Variants in PLCXD3 observed in about 807,000 individuals in gnomAD.
PLCXD3 encodes phosphatidylinositol specific phospholipase C X domain containing 3, also known as PI-PLC X domain-containing protein 3.
In PLCXD3, 19 loss-of-function variants were observed where a neutral mutation model predicts 25.5. The ratio of observed to expected loss-of-function variants is 0.75; its 90% confidence interval spans 0.52 to 1.09. The LOEUF (loss-of-function observed/expected upper bound fraction) is 1.09, where lower values mean the gene tolerates loss of function less well. Ranked by LOEUF, PLCXD3 falls within the 50% of genes least tolerant of loss-of-function variation. The pLI is 0.00. For synonymous variants in PLCXD3, 174 were observed against 137.6 expected (o/e 1.26, Z -1.85); for missense variants, 411 against 388.1 (o/e 1.06, Z -0.50).
At chr5:41,417,511 T>C (rs1008309368) in intron 1 of PLCXD3, among the ~76,000 whole-genome samples, 1 of 152,200 alleles carries the variant, frequency 6.6e-6, no homozygotes, top group African/African-American at 2.4e-5. Flanking sequence ...AGATAGACCC[T>C]GTTACTGAAG....
chr5:41,402,906 T>A lies in PLCXD3; in HGVS notation c.104-20372A>T, dbSNP rs902539066. Among the ~76,000 whole-genome samples the A allele has an allele frequency of 5.9e-5, 9 of 152,210 alleles. No homozygotes were observed. In the South Asian group the frequency reaches 1.7e-3, roughly 28 times the overall value. Reference sequence around the variant, plus strand: ...TATTTGTGTTTAGATATAAAATGAGTTTCTTGTAGAAAACAACTTGTTGGC... The same window carrying A: ...TATTTGTGTTTAGATATAAAATGAGATTCTTGTAGAAAACAACTTGTTGGC... On this transcript the variant is annotated intron_variant, in intron 1 of 2. Coordinates refer to ENST00000377801, the MANE Select transcript of PLCXD3 (RefSeq NM_001005473.3).
chr5:41,489,860 T>C (rs1008782017), intron 1 of PLCXD3, among the ~76,000 whole-genome samples: 1 of 151,712 alleles, frequency 6.6e-6, no homozygotes, highest in African/African-American at 2.4e-5. Context: ...TTTCTAGATA[T>C]ACAATCATGT....
At chr5:41,338,770 T>C (rs1744054245) in intron 2 of PLCXD3, among the ~76,000 whole-genome samples, 1 of 152,136 alleles carries the variant, frequency 6.6e-6, no homozygotes, top group Admixed American at 6.6e-5. Context: ...CTTCCCTTAT[T>C]CTTCTTAAAT....
At chr5:41,440,677 G>A (rs1328690779) in intron 1 of PLCXD3, among the ~76,000 whole-genome samples, 1 of 151,924 alleles carries the variant, frequency 6.6e-6, no homozygotes. Flanking sequence ...GTACTCTATG[G>A]GTGTTAGCTA....
intron 1 of PLCXD3, among the ~76,000 whole-genome samples, chr5:41,482,451 T>A (rs1258214500): frequency 6.6e-6 from 1 of 152,206 alleles, no homozygotes; most frequent in Non-Finnish European, 1.5e-5. Context: ...AAGCTTCCCA[T>A]ATATTATTCC....
At chr5:41,341,600 T>C (rs1363692412) in intron 2 of PLCXD3, among the ~76,000 whole-genome samples, 4 of 152,344 alleles carry the variant, frequency 2.6e-5, no homozygotes, top group Non-Finnish European at 2.9e-5. Context: ...TGGGTTACCA[T>C]TGGGTTTATA....
At chr5:41,474,967 A>G (rs1028734419) in intron 1 of PLCXD3, among the ~76,000 whole-genome samples, 1 of 152,184 alleles carries the variant, frequency 6.6e-6, no homozygotes, top group Admixed American at 6.5e-5. Flanking sequence ...CATTCTCAAA[A>G]GCTAGAGCCA....
intron 2 of PLCXD3, among the ~76,000 whole-genome samples, chr5:41,348,483 G>A (rs1344858896): frequency 6.6e-6 from 1 of 152,118 alleles, no homozygotes; most frequent in Non-Finnish European, 1.5e-5. Flanking sequence ...TCAATAGGTA[G>A]CACTCTAGCT....
At chr5:41,487,671 A>T in intron 1 of PLCXD3, among the ~76,000 whole-genome samples, 1 of 152,220 alleles carries the variant, frequency 6.6e-6, no homozygotes, top group Admixed American at 6.5e-5. Context: ...ATGGTCAGGG[A>T]ATGTCTCCTC....
At chr5:41,493,135 G>A (rs941734365) in intron 1 of PLCXD3, among the ~76,000 whole-genome samples, 5 of 152,144 alleles carry the variant, frequency 3.3e-5, no homozygotes, top group African/African-American at 4.8e-5. Context: ...CTGTTTGTTA[G>A]TTTTCCTTCT....
chr5:41,489,446 G>GT (rs1273202064), intron 1 of PLCXD3, among the ~76,000 whole-genome samples: 2 of 152,120 alleles, frequency 1.3e-5, no homozygotes, highest in Non-Finnish European at 2.9e-5. Context: ...CTTTAAAGTA[G>GT]TTTTTTCCAA....
At chr5:41,438,830 A>G (rs1747316173) in intron 1 of PLCXD3, among the ~76,000 whole-genome samples, 1 of 152,000 alleles carries the variant, frequency 6.6e-6, no homozygotes, top group African/African-American at 2.4e-5. Context: ...TTTACAAACT[A>G]TCTATATTGA....
At chr5:41,341,716 G>GA (rs890161947) in intron 2 of PLCXD3, among the ~76,000 whole-genome samples, 8 of 148,578 alleles carry the variant, frequency 5.4e-5, no homozygotes, top group African/African-American at 7.4e-5. Context: ...GGCCATGGTA[G>GA]AAAAAAAAAA....
chr5:41,355,554 C>A (rs1744594696), intron 2 of PLCXD3, among the ~76,000 whole-genome samples: 1 of 152,160 alleles, frequency 6.6e-6, no homozygotes. Context: ...CCATCCAAGC[C>A]CTTTCCCTGC....
At chr5:41,403,408 T>TTTTTTTTTTTTTTTTG (rs1554047966) in intron 1 of PLCXD3, among the ~76,000 whole-genome samples, 1 of 26,230 alleles carries the variant, frequency 3.8e-5, no homozygotes, top group Non-Finnish European at 9.4e-5. Context: ...GTTGTTTTTT[T>TTTTTTTTTTTTTTTTG]TTTTTTTTAT....
chr5:41,325,038 T>TA (rs1355075393), intron 2 of PLCXD3, among the ~76,000 whole-genome samples: 1 of 152,158 alleles, frequency 6.6e-6, no homozygotes, highest in Non-Finnish European at 1.5e-5. Context: ...ACTCAGAAGT[T>TA]AAAATTTCTA....
At position 41,410,239 on chromosome 5, in the gene PLCXD3, A is replaced by G. The variant is rs573332730; in HGVS notation, c.104-27705T>C. On this transcript the variant is annotated intron_variant, in intron 1 of 2. Transcript: ENST00000377801. ...ACTGCAGCCTCCGCCTCCTGGGTTC[A>G]AGCAATTCTCCTGCCTCAGCCTCCT... 2.5e-4 allele frequency among the ~76,000 whole-genome samples: 38 copies of G among 150,576 alleles called. 1 individual carries two copies. In the South Asian group the frequency reaches 7.8e-3, roughly 31 times the overall value.
At chr5:41,318,654 T>C (rs1743370269) in intron 2 of PLCXD3, among the ~76,000 whole-genome samples, 1 of 152,016 alleles carries the variant, frequency 6.6e-6, no homozygotes, top group Middle Eastern at 3.4e-3. Context: ...TCAACTTCAC[T>C]AGAGGAAGAC....
intron 2 of PLCXD3, among the ~76,000 whole-genome samples, chr5:41,374,333 C>T (rs1445218187): frequency 6.6e-6 from 1 of 152,034 alleles, no homozygotes; most frequent in Non-Finnish European, 1.5e-5. Flanking sequence ...TTGCCAAGTC[C>T]TAGGCTGGGA....
Sources: allele counts gnomAD v4.1 joint callset (sites outside exome capture counted in the v4.1 genomes callset), GRCh38; gene constraint gnomAD v4.1.1; transcripts MANE v1.5; gene names NCBI Gene and HGNC (gene_info 2026-07-23, HGNC 2026-07-21).